The following NTM variants were observed in gnomAD, a reference collection of about 807,000 sequenced individuals.
The protein encoded by NTM is IgLON family member 2.
A neutral mutation model predicts 42.1 loss-of-function variants in NTM; 13 were observed. That is an observed-to-expected ratio of 0.31 (90% CI 0.20 to 0.49). The LOEUF (loss-of-function observed/expected upper bound fraction) is 0.49. Ranked by LOEUF, NTM falls within the 20% of genes least tolerant of loss-of-function variation. NTM has a pLI of 0.99. For missense variants in NTM, 373 were observed against 452.8 expected, an observed-to-expected ratio of 0.82 and a Z score of 1.60; for synonymous variants, 187 against 179.2, an observed-to-expected ratio of 1.04 and a Z score of -0.35.
chr11:132,022,199 T>C (rs1395846722), intron 2 of NTM, among the ~76,000 whole-genome samples: 1 of 152,210 alleles, frequency 6.6e-6, no homozygotes, highest in African/African-American at 2.4e-5. Context: ...GCCCCACAGT[T>C]CTTAACCGAA....
chr11:131,412,607 C>T (rs1946546293), intron 1 of NTM, among the ~76,000 whole-genome samples: 1 of 152,028 alleles, frequency 6.6e-6, no homozygotes, highest in Non-Finnish European at 1.5e-5. Context: ...GTTGATTCGC[C>T]CAAGTAATTG....
At chr11:131,842,724 T>C (rs1221251798) in intron 1 of NTM, among the ~76,000 whole-genome samples, 2 of 148,190 alleles carry the variant, frequency 1.3e-5, no homozygotes, top group Non-Finnish European at 3.0e-5. Flanking sequence ...AAATTTCTAA[T>C]ATGAGGGCAA....
chr11:131,892,183 T>C (rs1317047784), intron 1 of NTM, among the ~76,000 whole-genome samples: 3 of 152,130 alleles, frequency 2.0e-5, no homozygotes, highest in Non-Finnish European at 2.9e-5. Flanking sequence ...TCCTCCGCCT[T>C]CTTCTTCTTC....
intron 2 of NTM, among the ~76,000 whole-genome samples, chr11:131,961,079 A>G (rs1215317344): frequency 1.3e-5 from 2 of 152,130 alleles, no homozygotes; most frequent in African/African-American, 2.4e-5. Context: ...AGTCCCCTAG[A>G]TCCTTTTGTA....
intron 1 of NTM, among the ~76,000 whole-genome samples, chr11:131,789,702 AT>A (rs1241426060): frequency 1.3e-5 from 2 of 151,116 alleles, no homozygotes; most frequent in South Asian, 2.1e-4. Context: ...CTCGCCTGTA[AT>A]CCCAGCACTT....
intron 4 of NTM, among the ~76,000 whole-genome samples, chr11:132,273,532 C>T (rs1245404208): frequency 6.6e-6 from 1 of 151,944 alleles, no homozygotes. Context: ...TACCAGTGAT[C>T]CATCTATGCC....
intron 1 of NTM, among the ~76,000 whole-genome samples, chr11:131,726,820 C>T (rs1356656654): frequency 2.7e-5 from 4 of 150,040 alleles, no homozygotes; most frequent in Admixed American, 2.6e-4. Context: ...CTCAAGTGAT[C>T]CTTCTGCCTC....
intron 2 of NTM, among the ~76,000 whole-genome samples, chr11:131,958,972 T>C (rs2061842072): frequency 1.3e-5 from 2 of 152,180 alleles, no homozygotes; most frequent in African/African-American, 2.4e-5. Flanking sequence ...CATGCCACTG[T>C]TTCAGGGGTG....
intron 2 of NTM, among the ~76,000 whole-genome samples, chr11:132,079,990 A>G (rs191532555): frequency 0.014 from 2,063 of 152,304 alleles, 26 homozygotes; most frequent in Non-Finnish European, 0.021. Flanking sequence ...CTCTAATTTA[A>G]TAAAAAACAA....
intron 1 of NTM, chr11:131,660,957 C>T: frequency 7.7e-7 from 1 of 1,303,962 alleles, no homozygotes. Flanking sequence ...TGCTCATCCC[C>T]AAGGCAAAGT....
chr11:131,927,408 T>C (rs2058083447), intron 2 of NTM, among the ~76,000 whole-genome samples: 1 of 152,180 alleles, frequency 6.6e-6, no homozygotes, highest in African/African-American at 2.4e-5. Context: ...GGAGCCATTG[T>C]CAAAAACAAA....
intron 1 of NTM, among the ~76,000 whole-genome samples, chr11:131,421,520 A>G (rs1011402): frequency 0.71 from 108,068 of 152,132 alleles, 38,758 homozygotes; most frequent in East Asian, 0.9. Context: ...AAAGGCATCC[A>G]GGAACAGGGG....
At chr11:131,692,655 GC>G (rs1307526579) in intron 1 of NTM, among the ~76,000 whole-genome samples, 20 of 152,190 alleles carry the variant, frequency 1.3e-4, no homozygotes, top group Admixed American at 6.5e-5. Context: ...TCTTACCTAA[GC>G]TTTGATGTGG....
chr11:131,765,829 T>C (rs1254690645), intron 1 of NTM, among the ~76,000 whole-genome samples: 1 of 152,210 alleles, frequency 6.6e-6, no homozygotes, highest in African/African-American at 2.4e-5. Flanking sequence ...GATCGAGGAC[T>C]GCAACCCCAG....
At chr11:132,333,326 AC>A (rs2136485260) in intron 8 of NTM, among the ~76,000 whole-genome samples, 1 of 152,262 alleles carries the variant, frequency 6.6e-6, no homozygotes, top group South Asian at 2.1e-4. Flanking sequence ...GGAAGGACTT[AC>A]GCAGAGCAGA....
intron 2 of NTM, among the ~76,000 whole-genome samples, chr11:131,977,410 A>G (rs1048275054): frequency 2.0e-5 from 3 of 152,200 alleles, no homozygotes; most frequent in South Asian, 4.1e-4. Flanking sequence ...ATAGCTCTGT[A>G]TGTTTTAACT....
intron 1 of NTM, among the ~76,000 whole-genome samples, chr11:131,448,292 C>T (rs1024547773): frequency 6.6e-6 from 1 of 152,256 alleles, no homozygotes; most frequent in African/African-American, 2.4e-5. Flanking sequence ...TCCAGCCTCT[C>T]TGTTCAATAA....
chr11:131,801,251 G>A (rs964876890), intron 1 of NTM, among the ~76,000 whole-genome samples: 6 of 152,202 alleles, frequency 3.9e-5, no homozygotes, highest in Non-Finnish European at 8.8e-5. Context: ...GATATGGGTA[G>A]AATGCTATTT....
intron 1 of NTM, among the ~76,000 whole-genome samples, chr11:131,569,425 C>T (rs1315720943): frequency 2.6e-5 from 4 of 152,036 alleles, no homozygotes; most frequent in Admixed American, 1.3e-4. Context: ...GGTTTACAGG[C>T]GTAAGCCACT....
Sources: gnomAD v4.1 joint callset for allele counts (sites outside exome capture counted in the v4.1 genomes callset) on GRCh38, gnomAD v4.1.1 for gene constraint, MANE v1.5 for transcripts, NCBI Gene and HGNC (gene_info 2026-07-23, HGNC 2026-07-21) for gene names.